PTPRK: variants seen among roughly 807,000 people sequenced by gnomAD.
PTPRK encodes protein tyrosine phosphatase receptor type K, also known as receptor-type tyrosine-protein phosphatase kappa.
In PTPRK, 75 loss-of-function variants were observed where a neutral mutation model predicts 178.0. The observed-to-expected ratio is 0.42, with a 90% confidence interval of 0.35 to 0.51. PTPRK has a LOEUF of 0.51. Among genes scored for constraint, PTPRK ranks in the 20% least tolerant of loss-of-function variants. The pLI is 0.02. For missense variants in PTPRK, 1,441 were observed against 1,797.8 expected, an observed-to-expected ratio of 0.80 and a Z score of 3.59; for synonymous variants, 637 against 620.6, an observed-to-expected ratio of 1.03 and a Z score of -0.39.
At chr6:128,249,120 G>A (rs1816015786) in intron 3 of PTPRK, among the ~76,000 whole-genome samples, 1 of 152,012 alleles carries the variant, frequency 6.6e-6, no homozygotes, top group Admixed American at 6.6e-5. Context: ...TAATAGGCTA[G>A]TGAAAAGAAG....
chr6:128,482,218 A>G (rs1250442716), intron 1 of PTPRK, among the ~76,000 whole-genome samples: 2 of 152,296 alleles, frequency 1.3e-5, no homozygotes, highest in South Asian at 4.1e-4. Context: ...GACGTGAAGT[A>G]TAAGTGAAAC....
intron 25 of PTPRK, among the ~76,000 whole-genome samples, chr6:127,979,840 T>C (rs1775074142): frequency 6.6e-6 from 1 of 152,222 alleles, no homozygotes; most frequent in African/African-American, 2.4e-5. Context: ...GGCAGTAAAC[T>C]GTTTAAAAAG....
rs530613928 is a variant in PTPRK, at chr6:128,509,706, G to T, written c.100+10553C>A. On this transcript the variant is annotated intron_variant, in intron 1 of 29. Coordinates refer to ENST00000368226, the MANE Select transcript of PTPRK (RefSeq NM_002844.4). ...ATTCTCATTTTGGTGATAAAGAAATGAAAGATCAAGCAGAAAGGACTGCTC... is the reference window on the plus strand; with the variant it reads ...ATTCTCATTTTGGTGATAAAGAAATTAAAGATCAAGCAGAAAGGACTGCTC... Among the ~76,000 whole-genome samples the T allele has an allele frequency of 2.6e-5, 4 of 152,152 alleles. No homozygotes were observed. The East Asian group carries it at 7.8e-4, about 30-fold the overall frequency.
chr6:128,322,031 A>G lies in PTPRK; in HGVS notation c.495+8T>C, dbSNP rs1187446319. ...CAAAACATACACCAGAAAAGTACAG[A>G]TGATTACCTGATATTCATTGGGCCA... is the stretch of plus-strand genomic sequence containing the variant. On this transcript the variant is annotated splice_region_variant and intron_variant, in intron 3 of 29. Transcript: ENST00000368226. 2 of 1,613,864 alleles carry G rather than the reference A, an allele frequency of 1.2e-6. No individual in the cohort carries two copies. Among genetic ancestry groups the G allele is most frequent in the Non-Finnish European group, 1.7e-6 (2 of 1,179,880 alleles).
intron 1 of PTPRK, among the ~76,000 whole-genome samples, chr6:128,513,965 C>A (rs1015205396): frequency 3.3e-5 from 5 of 152,106 alleles, no homozygotes; most frequent in Admixed American, 1.3e-4. Flanking sequence ...GGAACTGTTG[C>A]CAGTCTGTCA....
chr6:128,475,657 T>C (rs1193735608), intron 1 of PTPRK, among the ~76,000 whole-genome samples: 3 of 152,008 alleles, frequency 2.0e-5, no homozygotes, highest in Admixed American at 6.6e-5. Context: ...AGAAACAAGG[T>C]TGGGCACAAA....
intron 2 of PTPRK, among the ~76,000 whole-genome samples, chr6:128,348,602 G>A (rs1366428558): frequency 6.6e-6 from 1 of 151,852 alleles, no homozygotes; most frequent in Non-Finnish European, 1.5e-5. Context: ...AAATATTTTA[G>A]TTTGTTAACA....
intron 8 of PTPRK, among the ~76,000 whole-genome samples, chr6:128,087,322 A>AT (rs905925537): frequency 1.9e-4 from 29 of 149,754 alleles, no homozygotes; most frequent in African/African-American, 4.9e-4. Flanking sequence ...TTAGGACATG[A>AT]TTTTTTTTTT....
intron 18 of PTPRK, among the ~76,000 whole-genome samples, chr6:127,994,995 T>C (rs974681324): frequency 7.2e-5 from 11 of 151,844 alleles, no homozygotes; most frequent in African/African-American, 2.7e-4. Context: ...CATCAACAAA[T>C]AAAACTCGAG....
At chr6:128,040,038 C>T (rs910961619) in intron 13 of PTPRK, among the ~76,000 whole-genome samples, 8 of 152,144 alleles carry the variant, frequency 5.3e-5, no homozygotes, top group African/African-American at 1.9e-4. Flanking sequence ...TTGTTATCAT[C>T]GCTAAGAAGT....
Position 128,493,591 on chromosome 6 carries a change from T to TACACACACAC in PTPRK, c.100+26658_100+26667dup, listed in dbSNP as rs59656384. ...AAAAAAAAAAGTACCTCCCGCCCCC[T>TACACACACAC]ACACACACACACACACACACACACA... On this transcript the variant is annotated intron_variant, in intron 1 of 29. Coordinates refer to ENST00000368226, the MANE Select transcript of PTPRK (RefSeq NM_002844.4). 2.1e-3 allele frequency among the ~76,000 whole-genome samples: 258 copies of TACACACACAC among 124,012 alleles called. 1 individual carries two copies. The highest frequency in any genetic ancestry group is 7.1e-3 in the African/African-American group (230 of 32,238). 81.4% of individuals were successfully genotyped at this position (124,012 alleles called of 152,430 possible).
At position 127,983,262 on chromosome 6, in the gene PTPRK, T is replaced by C. The variant is rs757927142; in HGVS notation, c.3367A>G (p.Ile1123Val). 9.9e-6 allele frequency: 16 copies of C among 1,612,324 alleles called. No individual in the cohort carries two copies. The highest frequency in any genetic ancestry group is 1.4e-5 in the Non-Finnish European group (16 of 1,179,018). Residue 1123 changes from isoleucine (I) to valine (V), a missense_variant, in exon 23 of 30, where the codon ATT (isoleucine) becomes GTT (valine). Ile to Val is a conservative substitution (Grantham distance 29). Transcript: ENST00000368226. ...CATACCTCTGTCTGGACCATATTAA[T>C]ACGCCGAGATCTTAAGGCTTTGACA... is the stretch of plus-strand genomic sequence containing the variant. ...NCVKALRSRR[I>V]NMVQTEEQYI... is the part of the protein sequence containing the mutation.
rs191972485 is a variant in PTPRK, at chr6:128,188,423, A to C, written c.869-3698T>G. ...AGAAGCCATAAATCCAGGAAAAGTC[A>C]GCAACAAAGTAAATGTCAAGGCAAA... On this transcript the variant is annotated intron_variant, in intron 6 of 29. Coordinates refer to ENST00000368226, the MANE Select transcript of PTPRK (RefSeq NM_002844.4). Among the ~76,000 whole-genome samples the C allele has an allele frequency of 2.6e-5, 4 of 152,334 alleles. No individual in the cohort carries two copies. In the East Asian group the frequency reaches 7.7e-4, roughly 29 times the overall value.
At chr6:127,999,052 T>C (rs2114684645) in intron 15 of PTPRK, 148 bp from the exon 16 acceptor site, 1 of 584,120 alleles carries the variant, frequency 1.7e-6, no homozygotes, top group Non-Finnish European at 2.6e-6. Flanking sequence ...AGTATAGGCC[T>C]AGACAGTATC....
At chr6:128,394,314 T>TTGGGTTGTTTTTA (rs1194950860) in intron 2 of PTPRK, among the ~76,000 whole-genome samples, 82 of 152,334 alleles carry the variant, frequency 5.4e-4, no homozygotes, top group African/African-American at 1.9e-3. Flanking sequence ...CTATTATGAA[T>TTGGGTTGTTTTTA]GCTGATGCTA....
chr6:128,219,148 C>T, intron 5 of PTPRK, 52 bp from the exon 6 acceptor site: 1 of 1,478,790 alleles, frequency 6.8e-7, no homozygotes, highest in Non-Finnish European at 9.3e-7. Context: ...TTTCATAAAT[C>T]TATAAAGCAT....
chr6:128,152,708 G>C (rs187069258), intron 7 of PTPRK, among the ~76,000 whole-genome samples: 3 of 151,922 alleles, frequency 2.0e-5, no homozygotes, highest in East Asian at 3.9e-4. Context: ...CCCCTAAGAC[G>C]GTGATAAAGT....
chr6:128,462,055 C>G (rs763779045), intron 1 of PTPRK, among the ~76,000 whole-genome samples: 1 of 152,056 alleles, frequency 6.6e-6, no homozygotes, highest in Non-Finnish European at 1.5e-5. Context: ...ACTCCAACTC[C>G]TGCGCTCAAG....
intron 1 of PTPRK, among the ~76,000 whole-genome samples, chr6:128,436,677 G>A (rs1196552588): frequency 1.3e-5 from 2 of 151,922 alleles, no homozygotes; most frequent in Non-Finnish European, 2.9e-5. Context: ...AGGAAACAAA[G>A]GCACAGAGTA....
Sources: allele counts gnomAD v4.1 joint callset (sites outside exome capture counted in the v4.1 genomes callset), GRCh38; gene constraint gnomAD v4.1.1; transcripts MANE v1.5; gene names NCBI Gene and HGNC (gene_info 2026-07-23, HGNC 2026-07-21).